The following PDE4A variants were observed in gnomAD, a reference collection of about 807,000 sequenced individuals.
PDE4A encodes phosphodiesterase 4A.
In PDE4A, 21 loss-of-function variants were observed where a neutral mutation model predicts 73.9. The ratio of observed to expected loss-of-function variants is 0.28; its 90% CI spans 0.20 to 0.41. The LOEUF is 0.41. PDE4A is among the 10% of genes least tolerant of loss of function. The probability of loss-of-function intolerance (pLI) is 1.00; values close to 1 mark genes in which losing one functional copy is unlikely to be tolerated. For missense variants in PDE4A, 958 were observed against 1,211.4 expected (o/e 0.79, Z 3.10); for synonymous variants, 463 against 505.4 (o/e 0.92, Z 1.13).
At chr19:10,435,074 G>A (rs1037286988) in intron 1 of PDE4A, among the ~76,000 whole-genome samples, 3 of 151,510 alleles carry the variant, frequency 2.0e-5, no homozygotes, top group Non-Finnish European at 4.4e-5. Flanking sequence ...CGTTTCCCCC[G>A]CCCCCGCTCC....
intron 1 of PDE4A, chr19:10,423,322 C>G (rs1305556940): frequency 5.8e-6 from 1 of 172,982 alleles, no homozygotes; most frequent in Non-Finnish European, 1.1e-5. Flanking sequence ...CCACACCTGA[C>G]TAATTTTTGA....
intron 1 of PDE4A, among the ~76,000 whole-genome samples, chr19:10,442,215 G>T (rs943410755): frequency 6.6e-6 from 1 of 152,004 alleles, no homozygotes; most frequent in Non-Finnish European, 1.5e-5. Context: ...TACTGGAATG[G>T]TCTCTCTACT....
intron 1 of PDE4A, among the ~76,000 whole-genome samples, chr19:10,439,393 G>T (rs888510682): frequency 6.6e-6 from 1 of 152,124 alleles, no homozygotes; most frequent in Admixed American, 6.6e-5. Context: ...TGTTGGCCAG[G>T]CTGGTCTCGA....
intron 4 of PDE4A, 61 bp from the exon 5 acceptor site, chr19:10,450,542 G>A: frequency 1.3e-6 from 2 of 1,539,222 alleles, no homozygotes; most frequent in Non-Finnish European, 1.7e-6. Flanking sequence ...GAAAGCGGGA[G>A]GCAGGGACCT....
intron 1 of PDE4A, among the ~76,000 whole-genome samples, chr19:10,425,969 A>G (rs562440758): frequency 7.7e-5 from 10 of 129,938 alleles, no homozygotes; most frequent in Admixed American, 7.6e-4. Flanking sequence ...TCTGGGCGAG[A>G]GACTGAGACC....
At chr19:10,461,838 CGG>C in intron 12 of PDE4A, 37 bp from the exon 13 acceptor site, 2 of 1,601,906 alleles carry the variant, frequency 1.2e-6, no homozygotes, top group Non-Finnish European at 1.7e-6. Flanking sequence ...GTCTGGGGGG[CGG>C]GTGTCAGCGG....
At chr19:10,465,308 C>T (rs1288816493) in intron 14 of PDE4A, among the ~76,000 whole-genome samples, 1 of 151,866 alleles carries the variant, frequency 6.6e-6, no homozygotes, top group East Asian at 1.9e-4. Flanking sequence ...GCAACCTCCG[C>T]CTCTCGGGTT....
chr19:10,418,915 G>T, upstream of PDE4A: 1 of 985,020 alleles, frequency 1.0e-6, no homozygotes, highest in African/African-American at 1.7e-5. Context: ...GTGTTCCTGA[G>T]AGAAGTGGGG....
intron 1 of PDE4A, chr19:10,428,647 G>T: frequency 3.0e-6 from 1 of 332,228 alleles, no homozygotes; most frequent in Non-Finnish European, 4.3e-6. Context: ...CATCCATGGG[G>T]TGAGTGGTAG....
At chr19:10,434,671 A>C (rs1363148548) in intron 1 of PDE4A, among the ~76,000 whole-genome samples, 1 of 151,912 alleles carries the variant, frequency 6.6e-6, no homozygotes, top group Non-Finnish European at 1.5e-5. Flanking sequence ...CCTCACTGCA[A>C]TCTGTGCCTC....
intron 1 of PDE4A, among the ~76,000 whole-genome samples, chr19:10,444,484 G>T (rs1443831618): frequency 1.3e-5 from 2 of 150,598 alleles, no homozygotes; most frequent in Non-Finnish European, 2.9e-5. Context: ...GGCAACAAGA[G>T]TGAAACTCCA....
In PDE4A at chr19:10,468,190, C is replaced by G. The variant is rs200215010; in HGVS notation, c.*569C>G. ...GCAGTCACTGTGGGAGGTCCCAGCTCCAGCCCCCCTCTGGTTTGCTGCCTC... is the reference window on the plus strand; with the variant it reads ...GCAGTCACTGTGGGAGGTCCCAGCTGCAGCCCCCCTCTGGTTTGCTGCCTC... On this transcript the variant is annotated 3_prime_UTR_variant, in exon 15 of 15. Transcript: ENST00000380702. 8 of 152,716 alleles carry G rather than the reference C, an allele frequency of 5.2e-5. No homozygotes were observed. 9.5% of individuals were successfully genotyped at this position (152,716 alleles called of 1,614,324 possible).
rs140529599 is a variant in PDE4A, at chr19:10,461,753, TGAGTCCCA to T, written c.1620+77_1620+84del. 2.5e-3 allele frequency: 3,984 copies of T among 1,592,930 alleles called. 101 individuals are homozygous for T. In the African/African-American group the frequency reaches 0.046, roughly 18 times the overall value. ...CGAGGGCTTTGGGGAGGAGTGGGTC[TGAGTCCCA>T]GAGGAACCCTCAACCTGGACAGAGC... On this transcript the variant is annotated intron_variant, in intron 12 of 14. Coordinates refer to ENST00000380702, the MANE Select transcript of PDE4A (RefSeq NM_001111307.2).
intron 1 of PDE4A, among the ~76,000 whole-genome samples, chr19:10,443,515 A>T (rs1483069562): frequency 6.7e-6 from 1 of 148,252 alleles, no homozygotes; most frequent in African/African-American, 2.5e-5. Flanking sequence ...ATTGCACTTC[A>T]GTCTGGGTAA....
chr19:10,430,851 C>A (rs1599407029), intron 1 of PDE4A: 1 of 1,205,208 alleles, frequency 8.3e-7, no homozygotes, highest in Non-Finnish European at 1.0e-6. Flanking sequence ...GGCCATGGCG[C>A]GGCCGCGCGG....
Position 10,467,662 on chromosome 19 carries a change from C to T in PDE4A, c.*41C>T, listed in dbSNP as rs761686929. On this transcript the variant is annotated 3_prime_UTR_variant, in exon 15 of 15. Transcript: ENST00000380702. ...CCCTGTTCCCCTCCACTCCTCCCCT[C>T]ACTCCCCTGCTCCCCCGACCACCTC... 2.1e-6 allele frequency: 3 copies of T among 1,437,370 alleles called. No individual in the cohort carries two copies. Among genetic ancestry groups the T allele is most frequent in the East Asian group, 4.6e-5 (2 of 43,378 alleles). 89.0% of individuals were successfully genotyped at this position (1,437,370 alleles called of 1,614,324 possible).
At chr19:10,430,549 G>C (rs2145467307) in intron 1 of PDE4A, among the ~76,000 whole-genome samples, 1 of 152,162 alleles carries the variant, frequency 6.6e-6, no homozygotes, top group African/African-American at 2.4e-5. Flanking sequence ...TTGCAGGAGT[G>C]TCCCCACAGA....
chr19:10,421,828 AG>A (rs530354420), intron 1 of PDE4A, among the ~76,000 whole-genome samples: 2 of 152,246 alleles, frequency 1.3e-5, no homozygotes, highest in South Asian at 4.1e-4. Flanking sequence ...GTCTCCTCTG[AG>A]GGTATTCTCC....
intron 1 of PDE4A, among the ~76,000 whole-genome samples, chr19:10,422,845 A>C (rs1427036405): frequency 1.3e-5 from 2 of 152,144 alleles, no homozygotes; most frequent in Non-Finnish European, 2.9e-5. Context: ...GCAGGGGGCC[A>C]AACTGGCACA....
Sources: gnomAD v4.1 joint callset for allele counts (sites outside exome capture counted in the v4.1 genomes callset) on GRCh38, gnomAD v4.1.1 for gene constraint, MANE v1.5 for transcripts, NCBI Gene and HGNC (gene_info 2026-07-23, HGNC 2026-07-21) for gene names.